The following PCBP3 variants were observed in gnomAD, a reference collection of about 807,000 sequenced individuals.
PCBP3 encodes poly(rC)-binding protein 3.
In PCBP3, 25 loss-of-function variants were observed where a neutral mutation model predicts 52.7. The observed-to-expected ratio is 0.47, with a 90% CI of 0.35 to 0.66. The LOEUF (loss-of-function observed/expected upper bound fraction) is 0.66. Among genes scored for constraint, PCBP3 ranks in the 30% least tolerant of loss-of-function variants. The pLI is 0.01. For missense variants in PCBP3, 391 were observed against 490.3 expected (o/e 0.80, Z 1.91); for synonymous variants, 162 against 183.0 (o/e 0.89, Z 0.93).
chr21:45,908,744 T>C (rs2096268158), intron 9 of PCBP3, among the ~76,000 whole-genome samples: 1 of 152,182 alleles, frequency 6.6e-6, no homozygotes, highest in Admixed American at 6.5e-5. Flanking sequence ...CCCCACGGGT[T>C]GCCAGCCTGA....
intron 4 of PCBP3, among the ~76,000 whole-genome samples, chr21:45,790,932 AAGCC>A (rs2091499507): frequency 2.6e-5 from 4 of 152,180 alleles, no homozygotes; most frequent in Admixed American, 2.6e-4. Flanking sequence ...AGGGGGAAGG[AAGCC>A]AGTTTTGAGA....
intron 5 of PCBP3, chr21:45,859,618 C>A (rs1041284494): frequency 3.9e-5 from 6 of 152,318 alleles, no homozygotes; most frequent in African/African-American, 1.2e-4. Context: ...CTTGGAGAAA[C>A]CACTAGGGGC....
chr21:45,941,308 C>T (rs552019577), intron 17 of PCBP3, among the ~76,000 whole-genome samples: 3 of 152,168 alleles, frequency 2.0e-5, no homozygotes, highest in Non-Finnish European at 4.4e-5. Flanking sequence ...TGGCTCTTAC[C>T]CACATACACT....
rs188288300 is a variant in PCBP3, at chr21:45,652,717, A to G, written c.-279+8849A>G. Among the ~76,000 whole-genome samples the G allele has an allele frequency of 3.9e-5, 6 of 152,302 alleles. No individual in the cohort carries two copies. In the East Asian group the frequency reaches 9.6e-4, roughly 24 times the overall value. ...CTCGGCCTCCCACAGTGCTGGGATT[A>G]TAGGTGTGAGCCACCACGCCCGCCC... On this transcript the variant is annotated intron_variant, in intron 1 of 17. Transcript: ENST00000681687.
intron 12 of PCBP3, chr21:45,915,512 G>A (rs2073241402): frequency 6.6e-6 from 1 of 152,196 alleles, no homozygotes; most frequent in African/African-American, 2.4e-5. Context: ...AACACATGTG[G>A]GGTCTTAAAG....
At chr21:45,909,558 G>A in intron 10 of PCBP3, 72 bp downstream of exon 10, 2 of 1,504,312 alleles carry the variant, frequency 1.3e-6, no homozygotes, top group African/African-American at 1.4e-5. Context: ...CACAGGCCAG[G>A]CAGCCTTCCT....
intron 4 of PCBP3, among the ~76,000 whole-genome samples, chr21:45,847,980 C>T (rs1330471271): frequency 3.9e-5 from 6 of 152,222 alleles, no homozygotes; most frequent in Non-Finnish European, 8.8e-5. Context: ...CTGGCAGCTT[C>T]TCTGCGCGTC....
chr21:45,784,654 G>C (rs916060723), intron 4 of PCBP3, among the ~76,000 whole-genome samples: 30 of 152,220 alleles, frequency 2.0e-4, no homozygotes, highest in African/African-American at 7.0e-4. Flanking sequence ...GTGGAGACGG[G>C]GTTTCGCTGT....
At chr21:45,886,754 C>T (rs1309452328) in intron 5 of PCBP3, among the ~76,000 whole-genome samples, 2 of 152,172 alleles carry the variant, frequency 1.3e-5, no homozygotes, top group South Asian at 2.1e-4. Flanking sequence ...GGAGGGGGCT[C>T]CCTCATTACT....
intron 2 of PCBP3, among the ~76,000 whole-genome samples, chr21:45,719,798 T>C (rs2084494012): frequency 6.6e-6 from 1 of 152,204 alleles, no homozygotes; most frequent in Non-Finnish European, 1.5e-5. Context: ...GAGAATGGAC[T>C]AATACACATA....
At chr21:45,794,858 G>A (rs573275956) in intron 4 of PCBP3, among the ~76,000 whole-genome samples, 1 of 152,042 alleles carries the variant, frequency 6.6e-6, no homozygotes, top group East Asian at 1.9e-4. Flanking sequence ...GAACCCGGGA[G>A]GCGGAGCTTG....
rs919578142 is a variant in PCBP3 at position 45,837,778 on chromosome 21, G to A, written c.-125-12183G>A. Reference sequence around the variant, plus strand: ...GCATGATGAGGCGTGTGGTCTGGCCGCTCCTTCACTGGTGCTGAGACTGAG... The same window carrying A: ...GCATGATGAGGCGTGTGGTCTGGCCACTCCTTCACTGGTGCTGAGACTGAG... On this transcript the variant is annotated intron_variant, in intron 4 of 17. Transcript: ENST00000681687. This position sits in a 1 kb window ranked among gnomAD's most constrained non-coding sequence, Gnocchi z 4.1. Among the ~76,000 whole-genome samples the A allele has an allele frequency of 1.3e-5, 2 of 152,200 alleles. No homozygotes were observed. The highest frequency in any genetic ancestry group is 4.1e-4 in the South Asian group (2 of 4,830).
chr21:45,898,588 T>TGCATG lies in PCBP3; in HGVS notation c.166-1011_166-1010insGCATG, dbSNP rs1443268348. Reference sequence around the variant, plus strand: ...ACACGCCATCCTCACAGCCTCCCTCTCCCTCCACGGGCCCCTCTACACACC... The same window carrying TGCATG: ...ACACGCCATCCTCACAGCCTCCCTCTGCATGCCCTCCACGGGCCCCTCTACACACC... On this transcript the variant is annotated intron_variant, in intron 6 of 17. Coordinates refer to ENST00000681687, the MANE Select transcript of PCBP3 (RefSeq NM_001384156.1). Among the ~76,000 whole-genome samples the TGCATG allele has an allele frequency of 5.6e-4, 42 of 74,580 alleles. 8 individuals are homozygous for TGCATG. The East Asian group carries it at 6.8e-3, about 12-fold the overall frequency. 48.9% of individuals were successfully genotyped at this position (74,580 alleles called of 152,430 possible).
intron 4 of PCBP3, among the ~76,000 whole-genome samples, chr21:45,839,458 C>G (rs984475470): frequency 5.9e-5 from 9 of 152,146 alleles, no homozygotes; most frequent in African/African-American, 2.2e-4. Flanking sequence ...TGGCCCAACC[C>G]CATTTTATAT....
chr21:45,832,862 CT>C (rs889406298), intron 4 of PCBP3, among the ~76,000 whole-genome samples: 3 of 152,178 alleles, frequency 2.0e-5, no homozygotes, highest in African/African-American at 7.2e-5. Context: ...AAGCAAGCAC[CT>C]TCTTCACAAG....
intron 4 of PCBP3, among the ~76,000 whole-genome samples, chr21:45,840,444 G>A (rs1389640655): frequency 7.8e-5 from 11 of 141,106 alleles, no homozygotes; most frequent in South Asian, 2.4e-4. Context: ...GTGACAGAGC[G>A]GGACCCTGTC....
intron 2 of PCBP3, among the ~76,000 whole-genome samples, chr21:45,691,437 C>G (rs58368336): frequency 7.7e-6 from 1 of 129,608 alleles, no homozygotes; most frequent in African/African-American, 3.0e-5. Context: ...ATATATATAT[C>G]ATATATATGT....
At chr21:45,803,361 T>C (rs1011064403) in intron 4 of PCBP3, among the ~76,000 whole-genome samples, 35 of 152,178 alleles carry the variant, frequency 2.3e-4, no homozygotes, top group African/African-American at 7.7e-4. Context: ...ATTGTTTTTA[T>C]TGTTTCTTTT....
intron 1 of PCBP3, among the ~76,000 whole-genome samples, chr21:45,644,314 C>T (rs1017318709): frequency 6.6e-6 from 1 of 151,706 alleles, no homozygotes; most frequent in African/African-American, 2.4e-5. Context: ...GGGCCTCCTC[C>T]CCCTGGACGG....
Sources: allele counts gnomAD v4.1 joint callset (sites outside exome capture counted in the v4.1 genomes callset), GRCh38; gene constraint gnomAD v4.1.1; non-coding constraint Gnocchi (gnomAD v3.1); transcripts MANE v1.5; gene names NCBI Gene and HGNC (gene_info 2026-07-23, HGNC 2026-07-21).